Variants in ITPR1 observed in about 807,000 individuals in gnomAD.
The protein encoded by ITPR1 is inositol 1,4,5-trisphosphate receptor type 1.
In ITPR1, 96 loss-of-function variants were observed where a neutral mutation model predicts 318.4. The ratio of observed to expected loss-of-function variants is 0.30; its 90% CI spans 0.26 to 0.36. The LOEUF (loss-of-function observed/expected upper bound fraction) is 0.36, where lower values mean the gene tolerates loss of function less well. Ranked by LOEUF, ITPR1 falls within the 10% of genes least tolerant of loss-of-function variation. The pLI is 1.00. For missense variants in ITPR1, 2,440 were observed against 3,460.2 expected (o/e 0.71, Z 7.40); for synonymous variants, 1,312 against 1,289.9 (o/e 1.02, Z -0.37).
chr3:4,789,112 A>G (rs1428737313), intron 52 of ITPR1, among the ~76,000 whole-genome samples: 1 of 151,912 alleles, frequency 6.6e-6, no homozygotes, highest in Non-Finnish European at 1.5e-5. Context: ...TCCCATTCCC[A>G]CCTCACTTCC....
In ITPR1 at chr3:4,684,957, C is replaced by T. The variant is rs571423423; in HGVS notation, c.3565-112C>T. The T allele has an allele frequency of 4.9e-5, 52 of 1,056,778 alleles. No homozygotes were observed. The South Asian group carries it at 5.6e-4, about 11-fold the overall frequency. The allele number at this position is 1,056,778 out of a possible 1,614,324, so 65.5% of individuals were successfully genotyped here. ...CACATACTGAAGGAATTTTGTTTTA[C>T]GTTTTTAATGCATTATAATCCCCTT... On this transcript the variant is annotated intron_variant, in intron 29 of 61. Transcript: ENST00000649015.
chr3:4,723,895 T>G (rs2042331865), intron 40 of ITPR1, among the ~76,000 whole-genome samples: 1 of 152,178 alleles, frequency 6.6e-6, no homozygotes, highest in Non-Finnish European at 1.5e-5. Context: ...TTGCTTTAAT[T>G]CTGCTTTTTC....
intron 2 of ITPR1, among the ~76,000 whole-genome samples, chr3:4,503,603 C>G (rs1244736057): frequency 6.6e-6 from 1 of 152,074 alleles, no homozygotes; most frequent in Non-Finnish European, 1.5e-5. Flanking sequence ...TTTGGTTGTT[C>G]TATCTGGCAG....
chr3:4,594,648 A>G (rs1246765820), intron 4 of ITPR1, among the ~76,000 whole-genome samples: 1 of 152,124 alleles, frequency 6.6e-6, no homozygotes, highest in Non-Finnish European at 1.5e-5. Context: ...GGGCAAAAGG[A>G]TGCACCTACC....
At chr3:4,689,333 G>A (rs1000376116) in intron 31 of ITPR1, among the ~76,000 whole-genome samples, 2 of 151,604 alleles carry the variant, frequency 1.3e-5, no homozygotes, top group Admixed American at 6.6e-5. Context: ...TCACTCAGTA[G>A]TACTGCTAAC....
intron 4 of ITPR1, among the ~76,000 whole-genome samples, chr3:4,609,017 A>C (rs1258863975): frequency 1.1e-4 from 15 of 134,672 alleles, no homozygotes; most frequent in Admixed American, 2.3e-4. Flanking sequence ...AAAAAAAAAA[A>C]AAAAAAAACA....
chr3:4,745,433 C>T (rs991188690), intron 44 of ITPR1, among the ~76,000 whole-genome samples: 7 of 152,188 alleles, frequency 4.6e-5, no homozygotes, highest in Admixed American at 2.0e-4. Flanking sequence ...TGTGAGCCCC[C>T]TCTGACCGTC....
At chr3:4,615,763 C>G (rs576381829) in intron 4 of ITPR1, among the ~76,000 whole-genome samples, 96 of 152,206 alleles carry the variant, frequency 6.3e-4, no homozygotes, top group Non-Finnish European at 1.0e-3. Flanking sequence ...AGTTTAATTG[C>G]TTGAACTAGA....
chr3:4,782,877 A>AT, intron 50 of ITPR1, 136 bp downstream of exon 50: 11 of 803,774 alleles, frequency 1.4e-5, no homozygotes, highest in Non-Finnish European at 1.9e-5. Flanking sequence ...CCTGCGGCTC[A>AT]CAGGTGCTCG....
chr3:4,619,657 CCTGCT>C (rs2092536751), intron 4 of ITPR1, among the ~76,000 whole-genome samples: 7 of 6,078 alleles, frequency 1.2e-3, no homozygotes, highest in South Asian at 0.013. Flanking sequence ...TCTGCTCTCC[CCTGCT>C]CTCCTCTGCT....
chr3:4,658,817 A>G (rs17041133), intron 13 of ITPR1, among the ~76,000 whole-genome samples: 3 of 151,870 alleles, frequency 2.0e-5, no homozygotes, highest in African/African-American at 7.3e-5. Context: ...TGGACTATAA[A>G]TAGGGAAACA....
At chr3:4,704,624 G>A (rs2094720790) in intron 36 of ITPR1, among the ~76,000 whole-genome samples, 1 of 152,184 alleles carries the variant, frequency 6.6e-6, no homozygotes, top group Admixed American at 6.5e-5. Flanking sequence ...CCTTGCCACA[G>A]AGGTTAGTTT....
chr3:4,682,121 T>C (rs9876460), intron 26 of ITPR1, among the ~76,000 whole-genome samples: 56,274 of 152,082 alleles, frequency 0.37, 10,575 homozygotes, highest in South Asian at 0.56. Context: ...CTTCTTACAG[T>C]CCTGTGGCTT....
chr3:4,650,649 G>A (rs1275149456), intron 10 of ITPR1, among the ~76,000 whole-genome samples: 1 of 31,176 alleles, frequency 3.2e-5, no homozygotes, highest in African/African-American at 8.2e-5. Flanking sequence ...GTGTGTGCGC[G>A]CGTCTGTCTG....
chr3:4,526,964 C>A (rs2083030226), intron 4 of ITPR1, among the ~76,000 whole-genome samples: 1 of 152,214 alleles, frequency 6.6e-6, no homozygotes, highest in African/African-American at 2.4e-5. Context: ...GAAATTTCTT[C>A]CTACCTAGTA....
At chr3:4,729,874 A>G (rs900663157) in intron 42 of ITPR1, among the ~76,000 whole-genome samples, 1 of 152,108 alleles carries the variant, frequency 6.6e-6, no homozygotes, top group Non-Finnish European at 1.5e-5. Context: ...ATTTTTAAAA[A>G]GGGTTGCACA....
intron 52 of ITPR1, among the ~76,000 whole-genome samples, chr3:4,789,422 G>A (rs781623742): frequency 6.6e-6 from 1 of 152,166 alleles, no homozygotes; most frequent in Non-Finnish European, 1.5e-5. Context: ...AGAGCACCAT[G>A]CTTGGGCAAT....
chr3:4,677,132 T>C (rs930788988), intron 24 of ITPR1, among the ~76,000 whole-genome samples: 1 of 152,184 alleles, frequency 6.6e-6, no homozygotes, highest in African/African-American at 2.4e-5. Flanking sequence ...TTATTGATCA[T>C]AACTAGGTTC....
At chr3:4,598,564 G>A (rs2091031119) in intron 4 of ITPR1, among the ~76,000 whole-genome samples, 1 of 152,220 alleles carries the variant, frequency 6.6e-6, no homozygotes, top group Non-Finnish European at 1.5e-5. Flanking sequence ...TGAGGTTGCA[G>A]TGAGCCATGA....
Sources: gnomAD v4.1 joint callset for allele counts (sites outside exome capture counted in the v4.1 genomes callset) on GRCh38, gnomAD v4.1.1 for gene constraint, MANE v1.5 for transcripts, NCBI Gene and HGNC (gene_info 2026-07-23, HGNC 2026-07-21) for gene names.